Variants in FTO observed in about 807,000 individuals in gnomAD.
FTO encodes FTO alpha-ketoglutarate dependent dioxygenase.
In FTO, 47 loss-of-function variants were observed where a neutral mutation model predicts 63.9. That is an observed-to-expected ratio of 0.74 (90% CI 0.58 to 0.94). The LOEUF (loss-of-function observed/expected upper bound fraction) is 0.94, where lower values mean the gene tolerates loss of function less well. FTO is among the 40% of genes least tolerant of loss of function. The pLI is 0.00. For missense variants in FTO, 562 were observed against 618.1 expected, an observed-to-expected ratio of 0.91 and a Z score of 0.96; for synonymous variants, 207 against 224.4, an observed-to-expected ratio of 0.92 and a Z score of 0.69.
intron 7 of FTO, among the ~76,000 whole-genome samples, chr16:53,918,182 A>T (rs1055322385): frequency 2.0e-5 from 3 of 152,172 alleles, no homozygotes; most frequent in Non-Finnish European, 4.4e-5. Flanking sequence ...TGTGTTGCTT[A>T]ATGATGGGGA....
At chr16:53,921,881 A>G (rs548779750) in intron 7 of FTO, among the ~76,000 whole-genome samples, 1 of 152,310 alleles carries the variant, frequency 6.6e-6, no homozygotes, top group African/African-American at 2.4e-5. Context: ...GCATAACAGT[A>G]TTAGGTATAA....
chr16:53,931,955 T>A (rs758442229), intron 7 of FTO, among the ~76,000 whole-genome samples: 5 of 151,848 alleles, frequency 3.3e-5, no homozygotes, highest in Non-Finnish European at 7.4e-5. Context: ...GAATCTAGCA[T>A]CAGTGAGCCA....
chr16:54,028,585 G>A (rs1860232704), intron 8 of FTO, among the ~76,000 whole-genome samples: 1 of 152,124 alleles, frequency 6.6e-6, no homozygotes, highest in Admixed American at 6.6e-5. Flanking sequence ...CTCTTTCCAT[G>A]TCACTAAAAT....
chr16:53,851,115 A>G (rs112812274), intron 4 of FTO, among the ~76,000 whole-genome samples: 55 of 152,092 alleles, frequency 3.6e-4, no homozygotes, highest in African/African-American at 1.3e-3. Flanking sequence ...TGCTATCTCT[A>G]CTAATTATAT....
intron 8 of FTO, among the ~76,000 whole-genome samples, chr16:54,051,618 T>C (rs1207524187): frequency 6.6e-6 from 1 of 152,272 alleles, no homozygotes; most frequent in Non-Finnish European, 1.5e-5. Flanking sequence ...ATTTCTGAGA[T>C]GGAAAGTTCT....
intron 8 of FTO, among the ~76,000 whole-genome samples, chr16:53,986,502 A>G (rs1295491533): frequency 2.0e-5 from 3 of 152,204 alleles, no homozygotes; most frequent in Admixed American, 6.5e-5. Flanking sequence ...GGGGTGCATT[A>G]TGAATATGCA....
At chr16:53,856,230 G>A (rs2079988190) in intron 4 of FTO, among the ~76,000 whole-genome samples, 1 of 152,012 alleles carries the variant, frequency 6.6e-6, no homozygotes, top group Non-Finnish European at 1.5e-5. Flanking sequence ...TTCGAATTTA[G>A]GACTAGGCCG....
intron 4 of FTO, among the ~76,000 whole-genome samples, chr16:53,868,309 C>T (rs1173213805): frequency 6.6e-6 from 1 of 151,914 alleles, no homozygotes; most frequent in Non-Finnish European, 1.5e-5. Flanking sequence ...TTGAGTATTT[C>T]ATGATTTCAT....
intron 8 of FTO, among the ~76,000 whole-genome samples, chr16:53,977,196 A>G (rs2083452511): frequency 6.6e-6 from 1 of 152,078 alleles, no homozygotes; most frequent in South Asian, 2.1e-4. Flanking sequence ...TGGTTGTTGC[A>G]TTTAATCAGA....
chr16:54,096,921 A>T (rs549822784), intron 8 of FTO, among the ~76,000 whole-genome samples: 2 of 152,232 alleles, frequency 1.3e-5, no homozygotes, highest in Admixed American at 1.3e-4. Context: ...GTAACAGATG[A>T]TTGTCACTGC....
At chr16:53,884,219 G>A (rs1455454747) in intron 6 of FTO, among the ~76,000 whole-genome samples, 1 of 152,174 alleles carries the variant, frequency 6.6e-6, no homozygotes, top group Admixed American at 6.5e-5. Flanking sequence ...CTTAGGAAAG[G>A]TTCTTGTTTA....
chr16:53,867,007 T>C (rs1206115627), intron 4 of FTO, among the ~76,000 whole-genome samples: 3 of 152,168 alleles, frequency 2.0e-5, no homozygotes, highest in South Asian at 4.1e-4. Context: ...ATTAATGCTA[T>C]ACATTTGTGG....
chr16:53,990,841 TA>T (rs2083792959), intron 8 of FTO, among the ~76,000 whole-genome samples: 1 of 151,950 alleles, frequency 6.6e-6, no homozygotes, highest in Non-Finnish European at 1.5e-5. Context: ...CTAATTTATG[TA>T]TTTTTAGTAG....
rs78851890 is a variant in FTO at position 53,932,211 on chromosome 16, A to G, written c.1240-1774A>G. 5.8e-4 allele frequency among the ~76,000 whole-genome samples: 89 copies of G among 152,212 alleles called. No individual in the cohort carries two copies. In the East Asian group the frequency reaches 0.014, roughly 24 times the overall value. ...GCCACAGAAGCTGCTTGAGTGTCCA[A>G]CTGGGCATATCTTCCAGCACAGTAG... On this transcript the variant is annotated intron_variant, in intron 7 of 8. Transcript: ENST00000471389.
intron 1 of FTO, among the ~76,000 whole-genome samples, chr16:53,809,026 T>C (rs533314417): frequency 2.0e-5 from 3 of 152,342 alleles, no homozygotes; most frequent in East Asian, 1.9e-4. Context: ...TATTCTTGAA[T>C]GTAAGGTCAG....
In FTO at chr16:54,060,832, T is replaced by C. The variant is rs534440458; in HGVS notation, c.1365-50930T>C. Among the ~76,000 whole-genome samples, 32 of 152,354 alleles carry C rather than the reference T, an allele frequency of 2.1e-4. No homozygotes were observed. The South Asian group carries it at 6.6e-3, about 32-fold the overall frequency. ...CCACTCCCTTGCTGCTATTCATATT[T>C]ACTTTCTATTCATCATTATCTGCCA... is the stretch of plus-strand genomic sequence containing the variant. On this transcript the variant is annotated intron_variant, in intron 8 of 8. Transcript: ENST00000471389.
intron 6 of FTO, among the ~76,000 whole-genome samples, chr16:53,880,406 A>G (rs962126090): frequency 5.3e-5 from 8 of 152,190 alleles, no homozygotes; most frequent in African/African-American, 1.9e-4. Flanking sequence ...TAGGTCACAG[A>G]TGGAGGACAG....
chr16:53,854,908 C>A (rs1011510611), intron 4 of FTO, among the ~76,000 whole-genome samples: 2 of 152,100 alleles, frequency 1.3e-5, no homozygotes, highest in African/African-American at 4.8e-5. Flanking sequence ...TTCTTCCAAT[C>A]CGTGAGTATG....
intron 8 of FTO, chr16:54,008,474 A>G (rs1179236020): frequency 2.0e-5 from 3 of 151,040 alleles, no homozygotes; most frequent in Non-Finnish European, 2.9e-5. Context: ...ATGGAACTCT[A>G]CTTCTGTGAG....
Sources: allele counts gnomAD v4.1 joint callset (sites outside exome capture counted in the v4.1 genomes callset), GRCh38; gene constraint gnomAD v4.1.1; transcripts MANE v1.5; gene names NCBI Gene and HGNC (gene_info 2026-07-23, HGNC 2026-07-21).